Variants in CSGALNACT1 observed in about 807,000 individuals in gnomAD.
CSGALNACT1 encodes the protein beta4GalNAcT-1.
Under a neutral mutation model 51.0 loss-of-function variants are expected in CSGALNACT1, and 52 were observed. The observed-to-expected ratio is 1.02, with a 90% CI of 0.82 to 1.29. CSGALNACT1 has a LOEUF of 1.29. Among genes scored for constraint, CSGALNACT1 ranks in the 50% most tolerant of loss-of-function variants. The probability of loss-of-function intolerance (pLI) is 0.00; values close to 1 mark genes in which losing one functional copy is unlikely to be tolerated. For missense variants in CSGALNACT1, 935 were observed against 679.2 expected (o/e 1.38, Z -4.19); for synonymous variants, 341 against 254.4 (o/e 1.34, Z -3.24).
intron 3 of CSGALNACT1, among the ~76,000 whole-genome samples, chr8:19,577,734 T>C (rs1318623255): frequency 6.6e-6 from 1 of 152,088 alleles, no homozygotes; most frequent in Non-Finnish European, 1.5e-5. Flanking sequence ...GGTCCAGGAC[T>C]TGCTGCTTTC....
At chr8:19,485,169 A>G (rs2153938821) in intron 4 of CSGALNACT1, among the ~76,000 whole-genome samples, 1 of 152,188 alleles carries the variant, frequency 6.6e-6, no homozygotes, top group Admixed American at 6.5e-5. Context: ...CTGTAAGTGT[A>G]TTTATTTTTA....
exon 1 of CSGALNACT1, chr8:19,682,535 C>T: frequency 2.4e-6 from 1 of 424,982 alleles, no homozygotes; most frequent in South Asian, 1.7e-5. Context: ...TATGGTCTTT[C>T]CCGGTCTTTG....
At chr8:19,497,318 G>A (rs1042114576) in intron 4 of CSGALNACT1, among the ~76,000 whole-genome samples, 1 of 152,114 alleles carries the variant, frequency 6.6e-6, no homozygotes, top group Non-Finnish European at 1.5e-5. Flanking sequence ...CTCAATTGCA[G>A]GGCTGAACAG....
At chr8:19,449,715 C>G (rs1177838150) in intron 5 of CSGALNACT1, among the ~76,000 whole-genome samples, 2 of 152,002 alleles carry the variant, frequency 1.3e-5, no homozygotes, top group African/African-American at 4.8e-5. Context: ...AATTACCAGT[C>G]AAGTCTGAGG....
chr8:19,613,431 C>T (rs1021013496), intron 1 of CSGALNACT1, among the ~76,000 whole-genome samples: 2 of 152,180 alleles, frequency 1.3e-5, no homozygotes, highest in Non-Finnish European at 2.9e-5. Flanking sequence ...TCTTTGGTTG[C>T]GTTCACCATG....
chr8:19,475,098 G>T (rs2069198241), intron 4 of CSGALNACT1, among the ~76,000 whole-genome samples: 1 of 152,134 alleles, frequency 6.6e-6, no homozygotes, highest in Admixed American at 6.5e-5. Flanking sequence ...AGACAGGGGA[G>T]TCTCTAAGTT....
intron 8 of CSGALNACT1, among the ~76,000 whole-genome samples, chr8:19,416,890 T>TCTCA (rs2056994603): frequency 1.3e-5 from 2 of 151,602 alleles, no homozygotes; most frequent in African/African-American, 4.8e-5. Flanking sequence ...TGAGACAGGG[T>TCTCA]CTCACTCCAT....
At chr8:19,661,304 A>G (rs553598583) in intron 1 of CSGALNACT1, among the ~76,000 whole-genome samples, 27 of 152,052 alleles carry the variant, frequency 1.8e-4, no homozygotes, top group Non-Finnish European at 3.1e-4. Flanking sequence ...CTGGGCAGGG[A>G]CTCTGCCTAG....
At chr8:19,628,973 G>C (rs2054836692) in intron 1 of CSGALNACT1, among the ~76,000 whole-genome samples, 1 of 152,152 alleles carries the variant, frequency 6.6e-6, no homozygotes, top group African/African-American at 2.4e-5. Flanking sequence ...AGGAAAGACT[G>C]TATTCCATTT....
intron 3 of CSGALNACT1, among the ~76,000 whole-genome samples, chr8:19,514,475 C>CTATATATATATATATATATATACATA (rs2079087524): frequency 1.3e-5 from 1 of 78,782 alleles, no homozygotes; most frequent in African/African-American, 6.0e-5. Context: ...TGAACAGAGA[C>CTATATATATATATATATATATACATA]TATATATATA....
intron 1 of CSGALNACT1, among the ~76,000 whole-genome samples, chr8:19,751,700 T>G (rs1321222976): frequency 2.6e-5 from 4 of 152,144 alleles, no homozygotes; most frequent in East Asian, 1.9e-4. Flanking sequence ...AGCGGCAGAC[T>G]TCCCCCTTGC....
At chr8:19,452,617 G>A (rs1003717937) in intron 5 of CSGALNACT1, among the ~76,000 whole-genome samples, 1 of 152,128 alleles carries the variant, frequency 6.6e-6, no homozygotes, top group Non-Finnish European at 1.5e-5. Flanking sequence ...TCCTCTGACT[G>A]GTAGGCGTGG....
At chr8:19,666,995 G>GAAAAGAAAGAAAGAAAGAAAGA (rs1221624608) in intron 1 of CSGALNACT1, among the ~76,000 whole-genome samples, 10 of 26,978 alleles carry the variant, frequency 3.7e-4, no homozygotes, top group African/African-American at 2.0e-3. Context: ...AAGAAAGAAA[G>GAAAAGAAAGAAAGAAAGAAAGA]AAAGAAAGAA....
intron 1 of CSGALNACT1, among the ~76,000 whole-genome samples, chr8:19,747,374 T>G (rs532003685): frequency 1.3e-5 from 2 of 152,250 alleles, no homozygotes; most frequent in Non-Finnish European, 2.9e-5. Flanking sequence ...TTATCCACAC[T>G]AATAATGCCC....
Position 19,594,986 on chromosome 8 carries a change from G to T in CSGALNACT1, c.-415-3708C>A, listed in dbSNP as rs557949031. On this transcript the variant is annotated intron_variant, in intron 2 of 9. Transcript: ENST00000454498. Reference sequence around the variant, plus strand: ...GAAAACACATTTGATGATAGAAGTAGCCCTGTCTGCAAGTTTTTATCGTAT... The same window carrying T: ...GAAAACACATTTGATGATAGAAGTATCCCTGTCTGCAAGTTTTTATCGTAT... 8.5e-5 allele frequency among the ~76,000 whole-genome samples: 13 copies of T among 152,258 alleles called. 1 individual carries two copies. The South Asian group carries it at 2.5e-3, about 29-fold the overall frequency.
At chr8:19,498,637 C>A (rs1401823138) in intron 4 of CSGALNACT1, among the ~76,000 whole-genome samples, 1 of 152,280 alleles carries the variant, frequency 6.6e-6, no homozygotes, top group East Asian at 1.9e-4. Flanking sequence ...TCACACAGAA[C>A]ACATGTCCTT....
chr8:19,627,939 T>G (rs1328986163), intron 1 of CSGALNACT1, among the ~76,000 whole-genome samples: 2 of 152,196 alleles, frequency 1.3e-5, no homozygotes, highest in Non-Finnish European at 2.9e-5. Flanking sequence ...GTACTATAAC[T>G]ATGAAAGATG....
rs866168541 is a variant in CSGALNACT1 at position 19,757,488 on chromosome 8, C to A, written c.-297+362G>T. On this transcript the variant is annotated intron_variant, in intron 1 of 1. Coordinates refer to the CSGALNACT1 transcript ENST00000517494. This position sits in a 1 kb window ranked among gnomAD's most constrained non-coding sequence, Gnocchi z 4.0. ...ACGGCCTCTCTGCAGTGCGTCCCTG[C>A]GCCCGTCGGAGCGGCGCCCTGGCCG... 2.2e-4 allele frequency among the ~76,000 whole-genome samples: 33 copies of A among 152,202 alleles called. 1 individual carries two copies. The Middle Eastern group carries it at 0.021, about 95-fold the overall frequency.
intron 2 of CSGALNACT1, among the ~76,000 whole-genome samples, chr8:19,594,435 T>C (rs1443874826): frequency 1.3e-5 from 2 of 152,050 alleles, no homozygotes; most frequent in East Asian, 1.9e-4. Context: ...AGACGAACAA[T>C]AACATTGAGA....
Sources: gnomAD v4.1 joint callset for allele counts (sites outside exome capture counted in the v4.1 genomes callset) on GRCh38, gnomAD v4.1.1 for gene constraint, Gnocchi (gnomAD v3.1) non-coding constraint, MANE v1.5 for transcripts, NCBI Gene and HGNC (gene_info 2026-07-23, HGNC 2026-07-21) for gene names.